The following FAAP20 variants were observed in gnomAD, a reference collection of about 807,000 sequenced individuals.
The protein encoded by FAAP20 is FA core complex associated protein 20.
FAAP20 carries 12 observed loss-of-function variants against 16.2 expected under a neutral mutation model. The ratio of observed to expected loss-of-function variants is 0.74; its 90% confidence interval spans 0.48 to 1.20. The LOEUF (loss-of-function observed/expected upper bound fraction) is 1.20. Among genes scored for constraint, FAAP20 ranks in the 50% most tolerant of loss-of-function variants. The pLI is 0.00. For missense variants in FAAP20, 288 were observed against 245.8 expected (o/e 1.17, Z -1.15); for synonymous variants, 141 against 110.7 (o/e 1.27, Z -1.72).
rs759636408 is a variant in FAAP20, at chr1:2,193,917, C to T, written c.199-7G>A. Reference sequence around the variant, plus strand: ...CCGGGCCGCACCTGGGCTCCTGCAACACAGAGTTGTTGGGCCTTGCCCAGC... The same window carrying T: ...CCGGGCCGCACCTGGGCTCCTGCAATACAGAGTTGTTGGGCCTTGCCCAGC... On this transcript the variant is annotated splice_region_variant and splice_polypyrimidine_tract_variant and intron_variant, in intron 2 of 3. Transcript: ENST00000378546. The T allele has an allele frequency of 2.5e-6, 4 of 1,612,012 alleles. No individual in the cohort carries two copies. The African/African-American group carries it at 5.3e-5, about 22-fold the overall frequency.
At chr1:2,185,731 G>GA (rs1406488868), downstream of FAAP20, among the ~76,000 whole-genome samples, 1 of 152,166 alleles carries the variant, frequency 6.6e-6, no homozygotes. Flanking sequence ...CCAAAAAAGA[G>GA]AAAAAACTGA....
At position 2,194,221 on chromosome 1, in the gene FAAP20, G is replaced by T. The variant is rs572831878; in HGVS notation, c.63-88C>A. The T allele has an allele frequency of 1.2e-5, 18 of 1,529,248 alleles. No homozygotes were observed. The African/African-American group carries it at 2.3e-4, about 20-fold the overall frequency. The allele number at this position is 1,529,248 out of a possible 1,614,324, so 94.7% of individuals were successfully genotyped here. A position where few individuals can be genotyped will look rare whatever the true frequency, so the allele number is the denominator to read the frequency against. The stretch of plus-strand genomic sequence containing the variant: ...CCCGGGAGGGCCTGGGGCAGAGAGA[G>T]CGGGGAGATGGGGGGTACTAGAGGG... On this transcript the variant is annotated intron_variant, in intron 1 of 3. Transcript: ENST00000378546.
intron 3 of FAAP20, 149 bp from the exon 4 acceptor site, chr1:2,189,930 A>G: frequency 2.9e-6 from 2 of 682,864 alleles, no homozygotes; most frequent in Admixed American, 4.2e-5. Flanking sequence ...CCAGGGGCTC[A>G]TGCACCCGGC....
downstream of FAAP20, chr1:2,185,121 C>A: frequency 9.5e-7 from 1 of 1,050,986 alleles, no homozygotes; most frequent in Non-Finnish European, 1.4e-6. Context: ...CAGGGACAGA[C>A]GCTTGCGCCG....
chr1:2,208,234 C>T (rs1689339072), downstream of FAAP20, among the ~76,000 whole-genome samples: 1 of 152,086 alleles, frequency 6.6e-6, no homozygotes, highest in African/African-American at 2.4e-5. Flanking sequence ...CTTGGCTGCA[C>T]ACAGACCATG....
chr1:2,196,397 A>T (rs1688824798), upstream of FAAP20, among the ~76,000 whole-genome samples: 1 of 152,148 alleles, frequency 6.6e-6, no homozygotes, highest in Non-Finnish European at 1.5e-5. The surrounding 1 kb of genome is among the most constrained non-coding windows in gnomAD (Gnocchi z 4.5). Flanking sequence ...CCTTGTCTCT[A>T]TAAATAAAAA....
In FAAP20 at chr1:2,189,981, G is replaced by C. The variant is rs960734118; in HGVS notation, c.471-200C>G. 2.5e-5 allele frequency: 16 copies of C among 627,870 alleles called. No individual in the cohort carries two copies. The Admixed American group carries it at 2.8e-4, about 11-fold the overall frequency. The allele number at this position is 627,870 out of a possible 1,614,324, so 38.9% of individuals were successfully genotyped here. ...CCAGTGGTGTTTCCACACCGTGCCC[G>C]TGAGGAGGCCACGCCAGGCCCCTGC... On this transcript the variant is annotated intron_variant, in intron 3 of 3. Transcript: ENST00000378546.
At chr1:2,204,845 G>A (rs899511950), upstream of FAAP20, among the ~76,000 whole-genome samples, 2 of 151,504 alleles carry the variant, frequency 1.3e-5, no homozygotes, top group African/African-American at 2.4e-5. Flanking sequence ...CTCCAGCCTG[G>A]TTCCTCTGCC....
At chr1:2,202,517 C>T (rs556622399), upstream of FAAP20, among the ~76,000 whole-genome samples, 4 of 152,246 alleles carry the variant, frequency 2.6e-5, no homozygotes, top group African/African-American at 7.2e-5. Flanking sequence ...AAGCTGGAGT[C>T]TAGTGGCATG....
rs773312268 is a variant in FAAP20, at chr1:2,193,916, A to G, written c.199-6T>C. ...TCCGGGCCGCACCTGGGCTCCTGCA[A>G]CACAGAGTTGTTGGGCCTTGCCCAG... is the stretch of plus-strand genomic sequence containing the variant. On this transcript the variant is annotated splice_region_variant and splice_polypyrimidine_tract_variant and intron_variant, in intron 2 of 3. Transcript: ENST00000378546. 1.4e-5 allele frequency: 23 copies of G among 1,612,014 alleles called. 1 individual carries two copies. Among genetic ancestry groups the G allele is most frequent in the African/African-American group, 2.7e-5 (2 of 74,886 alleles).
At chr1:2,197,885 A>G, upstream of FAAP20, 4 of 1,070,188 alleles carry the variant, frequency 3.7e-6, no homozygotes, top group Non-Finnish European at 4.8e-6. Context: ...AGGAAGCCTG[A>G]CCCCCAATCC....
At chr1:2,200,602 T>C (rs879874128), upstream of FAAP20, 118 of 979,840 alleles carry the variant, frequency 1.2e-4, no homozygotes, top group Non-Finnish European at 1.4e-4. Flanking sequence ...TGTGAGAATA[T>C]ACATGTCACT....
In FAAP20 at chr1:2,194,682, C is replaced by A; in HGVS notation, c.62+6G>T. The A allele has an allele frequency of 8.7e-7, 1 of 1,155,468 alleles. No homozygotes were observed. The highest frequency in any genetic ancestry group is 1.1e-6 in the Non-Finnish European group (1 of 940,716). 71.6% of individuals were successfully genotyped at this position (1,155,468 alleles called of 1,614,324 possible). A position where few individuals can be genotyped will look rare whatever the true frequency, so the allele number is the denominator to read the frequency against. On this transcript the variant is annotated splice_donor_region_variant and intron_variant, in intron 1 of 3. Coordinates refer to ENST00000378546, the MANE Select transcript of FAAP20 (RefSeq NM_182533.4). Reference sequence around the variant, plus strand: ...GGCCGCGCCCCCGCCCGGCTCCCGGCCTCACCCGCCCGCCGGGCGCGGCCT... The same window carrying A: ...GGCCGCGCCCCCGCCCGGCTCCCGGACTCACCCGCCCGCCGGGCGCGGCCT...
At chr1:2,209,148 C>A (rs541402568), downstream of FAAP20, among the ~76,000 whole-genome samples, 1 of 152,088 alleles carries the variant, frequency 6.6e-6, no homozygotes, top group Non-Finnish European at 1.5e-5. Flanking sequence ...CCCCCTCCCT[C>A]GCGTCCTCTC....
upstream of FAAP20, among the ~76,000 whole-genome samples, chr1:2,201,757 C>T (rs1689058218): frequency 1.3e-5 from 2 of 151,000 alleles, no homozygotes; most frequent in Non-Finnish European, 2.9e-5. Flanking sequence ...GTGGCTCATG[C>T]CTGTAATACC....
downstream of FAAP20, chr1:2,184,995 G>A (rs779910797): frequency 1.1e-5 from 17 of 1,613,048 alleles, no homozygotes; most frequent in South Asian, 5.5e-5. Context: ...GCTGTCCACC[G>A]AGGAGTCGGT....
chr1:2,192,442 A>G (rs1688336230), intron 3 of FAAP20: 8 of 997,220 alleles, frequency 8.0e-6, no homozygotes, highest in Admixed American at 5.5e-5. Flanking sequence ...TCAAAATGGC[A>G]AGTTTTTCCT....
upstream of FAAP20, among the ~76,000 whole-genome samples, chr1:2,204,648 T>A (rs776613733): frequency 6.6e-6 from 1 of 151,388 alleles, no homozygotes; most frequent in Admixed American, 6.6e-5. Context: ...GTGGATTCCC[T>A]CCCACTGCCC....
chr1:2,210,930 G>A (rs995019574), downstream of FAAP20, among the ~76,000 whole-genome samples: 1 of 152,346 alleles, frequency 6.6e-6, no homozygotes, highest in Middle Eastern at 3.4e-3. Context: ...CCTGGGCCTG[G>A]GCTTAGCGAC....
Sources: allele counts gnomAD v4.1 joint callset (sites outside exome capture counted in the v4.1 genomes callset), GRCh38; gene constraint gnomAD v4.1.1; non-coding constraint Gnocchi (gnomAD v3.1); transcripts MANE v1.5; gene names NCBI Gene and HGNC (gene_info 2026-07-23, HGNC 2026-07-21).